The following IGF2BP2 variants were observed in gnomAD, a reference collection of about 807,000 sequenced individuals.
IGF2BP2 encodes the protein insulin-like growth factor 2 mRNA-binding protein 2.
Under a neutral mutation model 75.8 loss-of-function variants are expected in IGF2BP2, and 17 were observed. The observed-to-expected ratio is 0.22, with a 90% CI of 0.15 to 0.34. The LOEUF (loss-of-function observed/expected upper bound fraction) is 0.34, where lower values mean the gene tolerates loss of function less well. Among genes scored for constraint, IGF2BP2 ranks in the 10% least tolerant of loss-of-function variants. The pLI is 1.00. For missense variants in IGF2BP2, 516 were observed against 772.4 expected (o/e 0.67, Z 3.93); for synonymous variants, 288 against 295.6 (o/e 0.97, Z 0.26).
At chr3:185,671,535 C>CAAAAAAAA (rs397706922) in intron 10 of IGF2BP2, among the ~76,000 whole-genome samples, 5 of 88,768 alleles carry the variant, frequency 5.6e-5, no homozygotes, top group African/African-American at 1.1e-4. Flanking sequence ...GACTCCATCT[C>CAAAAAAAA]AAAAAAAAAA....
chr3:185,748,916 C>T (rs1730608867), intron 2 of IGF2BP2, among the ~76,000 whole-genome samples: 1 of 152,182 alleles, frequency 6.6e-6, no homozygotes, highest in African/African-American at 2.4e-5. Context: ...GTAATTCCAC[C>T]ACTTTGGGAG....
At chr3:185,675,197 A>C in intron 9 of IGF2BP2, 99 bp downstream of exon 9, 1 of 1,232,868 alleles carries the variant, frequency 8.1e-7, no homozygotes, top group Non-Finnish European at 1.1e-6. Context: ...AGTCAGGAAA[A>C]ACTCTGCATA....
At chr3:185,799,375 T>C (rs1737875769) in intron 2 of IGF2BP2, among the ~76,000 whole-genome samples, 1 of 152,026 alleles carries the variant, frequency 6.6e-6, no homozygotes, top group Non-Finnish European at 1.5e-5. Context: ...CTTCCATCCC[T>C]GGGCAACAGA....
At chr3:185,804,445 A>AC (rs574678218) in intron 2 of IGF2BP2, among the ~76,000 whole-genome samples, 1 of 151,848 alleles carries the variant, frequency 6.6e-6, no homozygotes, top group Admixed American at 6.6e-5. Flanking sequence ...ACAAAAAAAA[A>AC]ACAAAAAAAC....
intron 2 of IGF2BP2, chr3:185,724,320 A>G (rs974031760): frequency 3.9e-5 from 6 of 152,228 alleles, no homozygotes; most frequent in African/African-American, 1.2e-4. Flanking sequence ...GTTGAGTTGT[A>G]AGCTTTCTAG....
At chr3:185,794,602 G>T (rs1225377211) in intron 2 of IGF2BP2, among the ~76,000 whole-genome samples, 1 of 151,016 alleles carries the variant, frequency 6.6e-6, no homozygotes, top group Non-Finnish European at 1.5e-5. Context: ...TTCTTTTTAA[G>T]CCTTTCAAAA....
chr3:185,787,050 GAAT>G (rs1735990026), intron 2 of IGF2BP2, among the ~76,000 whole-genome samples: 1 of 152,110 alleles, frequency 6.6e-6, no homozygotes, highest in Non-Finnish European at 1.5e-5. Context: ...TGATCCAGAG[GAAT>G]AATAGCTAAC....
At chr3:185,753,250 TG>T (rs1731186890) in intron 2 of IGF2BP2, among the ~76,000 whole-genome samples, 1 of 152,154 alleles carries the variant, frequency 6.6e-6, no homozygotes, top group Admixed American at 6.5e-5. Flanking sequence ...ATATAACTCC[TG>T]GGAACTGTAC....
At chr3:185,782,078 C>G (rs1004905543) in intron 2 of IGF2BP2, among the ~76,000 whole-genome samples, 6 of 152,102 alleles carry the variant, frequency 3.9e-5, no homozygotes, top group African/African-American at 1.4e-4. Flanking sequence ...TGTACTGGTT[C>G]TGAGATCTTG....
intron 2 of IGF2BP2, among the ~76,000 whole-genome samples, chr3:185,798,332 G>A (rs1454909684): frequency 6.6e-6 from 1 of 152,148 alleles, no homozygotes; most frequent in Non-Finnish European, 1.5e-5. Context: ...GTGGAAAAAG[G>A]CATCCACTAA....
intron 2 of IGF2BP2, among the ~76,000 whole-genome samples, chr3:185,760,428 T>G (rs911456017): frequency 6.6e-6 from 1 of 152,178 alleles, no homozygotes; most frequent in African/African-American, 2.4e-5. Context: ...CCATTTAAAG[T>G]GTACAGTTCA....
intron 2 of IGF2BP2, among the ~76,000 whole-genome samples, chr3:185,772,878 G>C (rs537486784): frequency 9.9e-5 from 15 of 152,054 alleles, no homozygotes. Flanking sequence ...CACCGTGCCC[G>C]GCCCTTTCCT....
chr3:185,659,080 T>A (rs1343747681), intron 10 of IGF2BP2, among the ~76,000 whole-genome samples: 1 of 151,918 alleles, frequency 6.6e-6, no homozygotes, highest in Admixed American at 6.6e-5. Flanking sequence ...ATTAGCTGGG[T>A]GTGGTAGTGT....
rs566023938 is a variant in IGF2BP2, at chr3:185,667,353, G to A, written c.1200+5188C>T. Among the ~76,000 whole-genome samples the A allele has an allele frequency of 2.0e-5, 3 of 152,270 alleles. No individual in the cohort carries two copies. The East Asian group carries it at 5.8e-4, about 29-fold the overall frequency. On this transcript the variant is annotated intron_variant, in intron 10 of 15. Coordinates refer to ENST00000382199, the MANE Select transcript of IGF2BP2 (RefSeq NM_006548.6). Reference sequence around the variant, plus strand: ...GGGCCAGGTGCGGTAGCAAGTGCTTGTAGTCCCAGTTATTGAGGAGGCTGA... The same window carrying A: ...GGGCCAGGTGCGGTAGCAAGTGCTTATAGTCCCAGTTATTGAGGAGGCTGA...
intron 2 of IGF2BP2, among the ~76,000 whole-genome samples, chr3:185,714,521 T>A (rs1270971823): frequency 1.3e-5 from 2 of 152,196 alleles, no homozygotes; most frequent in African/African-American, 4.8e-5. Flanking sequence ...CAATGCTGAT[T>A]TCCCCATGTA....
At chr3:185,754,425 C>T (rs1233938370) in intron 2 of IGF2BP2, among the ~76,000 whole-genome samples, 5 of 152,022 alleles carry the variant, frequency 3.3e-5, no homozygotes, top group African/African-American at 7.2e-5. Context: ...ACCCAGTCTC[C>T]GGTATGCCTT....
intron 2 of IGF2BP2, among the ~76,000 whole-genome samples, chr3:185,720,771 G>C (rs973590427): frequency 2.0e-5 from 3 of 152,186 alleles, no homozygotes; most frequent in African/African-American, 7.2e-5. Flanking sequence ...TTGCAGATTA[G>C]GAAACTGAGG....
At chr3:185,783,197 G>A (rs991178706) in intron 2 of IGF2BP2, among the ~76,000 whole-genome samples, 1 of 152,044 alleles carries the variant, frequency 6.6e-6, no homozygotes. Flanking sequence ...CTTGTTCTAC[G>A]AACAGCAATA....
intron 2 of IGF2BP2, among the ~76,000 whole-genome samples, chr3:185,734,383 G>A (rs1347956483): frequency 1.3e-5 from 2 of 152,182 alleles, no homozygotes; most frequent in Non-Finnish European, 2.9e-5. Flanking sequence ...GCAAACTCAC[G>A]TTGTCTAGTT....
Sources: allele counts gnomAD v4.1 joint callset (sites outside exome capture counted in the v4.1 genomes callset), GRCh38; gene constraint gnomAD v4.1.1; transcripts MANE v1.5; gene names NCBI Gene and HGNC (gene_info 2026-07-23, HGNC 2026-07-21).